The following TMEM132D variants were observed in gnomAD, a reference collection of about 807,000 sequenced individuals.
TMEM132D encodes transmembrane protein 132D.
In TMEM132D, 21 loss-of-function variants were observed where a neutral mutation model predicts 62.3. That is an observed-to-expected ratio of 0.34 (90% CI 0.24 to 0.49). The LOEUF (loss-of-function observed/expected upper bound fraction) is 0.49. Among genes scored for constraint, TMEM132D ranks in the 20% least tolerant of loss-of-function variants. The pLI is 0.99. For missense variants in TMEM132D, 1,346 were observed against 1,402.8 expected, an observed-to-expected ratio of 0.96 and a Z score of 0.65; for synonymous variants, 621 against 575.6, an observed-to-expected ratio of 1.08 and a Z score of -1.13.
Position 129,893,246 on chromosome 12 carries a change from T to C in TMEM132D, c.79+10015A>G, listed in dbSNP as rs1018210920. Among the ~76,000 whole-genome samples, 4 of 152,274 alleles carry C rather than the reference T, an allele frequency of 2.6e-5. No homozygotes were observed. In the East Asian group the frequency reaches 7.7e-4, roughly 29 times the overall value. On this transcript the variant is annotated intron_variant, in intron 1 of 8. Transcript: ENST00000422113. ...TACCTCAATTTTTGCCTCTGTAAAA[T>C]GGAGATGCTACTACACAAAGGATGG... is the stretch of plus-strand genomic sequence containing the variant.
intron 2 of TMEM132D, among the ~76,000 whole-genome samples, chr12:129,661,018 C>T (rs890048547): frequency 2.6e-5 from 4 of 152,164 alleles, no homozygotes; most frequent in African/African-American, 9.7e-5. Context: ...GAATCACTTA[C>T]AAATAACACT....
chr12:129,287,078 T>A (rs1593323994), intron 4 of TMEM132D, among the ~76,000 whole-genome samples: 1 of 149,900 alleles, frequency 6.7e-6, no homozygotes, highest in African/African-American at 2.4e-5. Flanking sequence ...GGGCCAGGGA[T>A]TATTTGGAGC....
intron 2 of TMEM132D, among the ~76,000 whole-genome samples, chr12:129,639,209 C>T (rs996034282): frequency 2.0e-5 from 3 of 151,524 alleles, no homozygotes; most frequent in African/African-American, 7.3e-5. Flanking sequence ...ATGGCAAAAC[C>T]CCGTCTCTAC....
chr12:129,742,001 C>T (rs1869624662), intron 1 of TMEM132D, among the ~76,000 whole-genome samples: 1 of 152,180 alleles, frequency 6.6e-6, no homozygotes, highest in Non-Finnish European at 1.5e-5. Context: ...ACATCTACAT[C>T]TTTAGCATAC....
At chr12:129,601,068 T>C (rs952736277) in intron 2 of TMEM132D, among the ~76,000 whole-genome samples, 63 of 152,344 alleles carry the variant, frequency 4.1e-4, no homozygotes, top group African/African-American at 1.5e-3. Context: ...GAAAATCTTT[T>C]ATTTAGTGTA....
intron 2 of TMEM132D, among the ~76,000 whole-genome samples, chr12:129,552,832 TTATC>T (rs1201850367): frequency 6.6e-6 from 1 of 152,212 alleles, no homozygotes; most frequent in Non-Finnish European, 1.5e-5. Context: ...TTTATATCCA[TTATC>T]TATTATCTAT....
intron 2 of TMEM132D, among the ~76,000 whole-genome samples, chr12:129,592,811 G>A (rs956771672): frequency 1.3e-5 from 2 of 152,200 alleles, no homozygotes; most frequent in Admixed American, 6.5e-5. Flanking sequence ...GTGGGTCTCA[G>A]AAAGAAGATG....
At chr12:129,834,017 C>T (rs1872925375) in intron 1 of TMEM132D, among the ~76,000 whole-genome samples, 1 of 152,172 alleles carries the variant, frequency 6.6e-6, no homozygotes, top group Admixed American at 6.5e-5. Context: ...GAGGGGGTGT[C>T]ATCTCTGTTC....
chr12:129,228,938 G>A (rs901675362), intron 4 of TMEM132D, among the ~76,000 whole-genome samples: 3 of 152,192 alleles, frequency 2.0e-5, no homozygotes, highest in African/African-American at 7.2e-5. Context: ...TGGAAAATCA[G>A]AAGTTCAGCA....
chr12:129,216,600 G>A (rs745451861), intron 4 of TMEM132D, among the ~76,000 whole-genome samples: 161 of 152,276 alleles, frequency 1.1e-3, no homozygotes, highest in Admixed American at 4.6e-4. Flanking sequence ...CATGGCCCTG[G>A]TCACACCATA....
intron 2 of TMEM132D, among the ~76,000 whole-genome samples, chr12:129,628,279 T>C (rs996418582): frequency 6.6e-6 from 1 of 152,126 alleles, no homozygotes; most frequent in African/African-American, 2.4e-5. Context: ...AGAAAAGAAA[T>C]TGGTGGTTGC....
chr12:129,526,308 A>G (rs1876035850), intron 3 of TMEM132D, among the ~76,000 whole-genome samples: 1 of 151,938 alleles, frequency 6.6e-6, no homozygotes, highest in Non-Finnish European at 1.5e-5. Flanking sequence ...CTCGAGACAA[A>G]GTCTTTGGCT....
At chr12:129,820,431 C>T (rs1872513445) in intron 1 of TMEM132D, among the ~76,000 whole-genome samples, 1 of 152,162 alleles carries the variant, frequency 6.6e-6, no homozygotes, top group Non-Finnish European at 1.5e-5. Context: ...CCCAGGTCTT[C>T]TGATGCACAC....
chr12:129,569,944 G>T (rs949618825), intron 2 of TMEM132D, among the ~76,000 whole-genome samples: 2 of 152,228 alleles, frequency 1.3e-5, no homozygotes, highest in Non-Finnish European at 2.9e-5. Context: ...AGTCCCTGCA[G>T]AACAGTGGGT....
In TMEM132D at chr12:129,181,964, G is replaced by T. The variant is rs908044928; in HGVS notation, c.1443+27556C>A. 4.6e-5 allele frequency among the ~76,000 whole-genome samples: 7 copies of T among 152,114 alleles called. 1 individual carries two copies. Among genetic ancestry groups the T allele is most frequent in the East Asian group, 1.9e-4 (1 of 5,196 alleles). On this transcript the variant is annotated intron_variant, in intron 5 of 8. Transcript: ENST00000422113. ...ACCAGTGTGTCTAATTCATCTCAGT[G>T]TCTCTAGCACCTAGCAAAGTATCTG...
intron 1 of TMEM132D, among the ~76,000 whole-genome samples, chr12:129,883,746 T>C (rs990379240): frequency 9.2e-5 from 14 of 152,184 alleles, no homozygotes; most frequent in African/African-American, 3.1e-4. Context: ...ATCTACCATA[T>C]ACGGTCAGAC....
chr12:129,535,209 A>G (rs551534557), intron 2 of TMEM132D, among the ~76,000 whole-genome samples: 11 of 152,318 alleles, frequency 7.2e-5, no homozygotes, highest in Admixed American at 6.5e-4. Context: ...AGAGCAGTAG[A>G]CCAGAACAAG....
chr12:129,075,128 G>A (rs1481493631), intron 8 of TMEM132D, 69 bp from the exon 9 acceptor site: 1 of 1,320,338 alleles, frequency 7.6e-7, no homozygotes, highest in Non-Finnish European at 1.0e-6. Context: ...TCTTAGTACA[G>A]TAGACACACA....
At chr12:129,679,347 A>T (rs1472349024) in intron 2 of TMEM132D, among the ~76,000 whole-genome samples, 1 of 152,090 alleles carries the variant, frequency 6.6e-6, no homozygotes, top group African/African-American at 2.4e-5. Flanking sequence ...TTTGTCATAA[A>T]TTATTTTTCT....
Sources: gnomAD v4.1 joint callset for allele counts (sites outside exome capture counted in the v4.1 genomes callset) on GRCh38, gnomAD v4.1.1 for gene constraint, MANE v1.5 for transcripts, NCBI Gene and HGNC (gene_info 2026-07-23, HGNC 2026-07-21) for gene names.